The following TTC7B variants were observed in gnomAD, a reference collection of about 807,000 sequenced individuals.
The protein encoded by TTC7B is tetratricopeptide repeat domain 7B.
TTC7B carries 28 observed loss-of-function variants against 106.8 expected under a neutral mutation model. The observed-to-expected ratio is 0.26, with a 90% CI of 0.19 to 0.36. The LOEUF (loss-of-function observed/expected upper bound fraction) is 0.36. TTC7B is among the 10% of genes least tolerant of loss of function. The pLI is 1.00. For missense variants in TTC7B, 862 were observed against 1,076.4 expected (o/e 0.80, Z 2.79); for synonymous variants, 405 against 430.6 (o/e 0.94, Z 0.74).
chr14:90,710,629 C>G (rs1888408599), intron 5 of TTC7B, among the ~76,000 whole-genome samples: 1 of 152,118 alleles, frequency 6.6e-6, no homozygotes, highest in African/African-American at 2.4e-5. Context: ...CCACAGCCAC[C>G]CCAAACTTCA....
intron 3 of TTC7B, among the ~76,000 whole-genome samples, chr14:90,755,346 T>C (rs1487635614): frequency 6.6e-6 from 1 of 152,178 alleles, no homozygotes; most frequent in East Asian, 1.9e-4. Flanking sequence ...CTGGGTCAAA[T>C]ATTAAGAGTG....
intron 17 of TTC7B, among the ~76,000 whole-genome samples, chr14:90,595,637 C>T (rs535868739): frequency 6.6e-6 from 1 of 152,170 alleles, no homozygotes; most frequent in South Asian, 2.1e-4. Flanking sequence ...CTGTTGTTGC[C>T]CTATTCCGCC....
intron 19 of TTC7B, among the ~76,000 whole-genome samples, chr14:90,544,930 A>G (rs1889762074): frequency 6.6e-6 from 1 of 152,136 alleles, no homozygotes; most frequent in Admixed American, 6.5e-5. Flanking sequence ...TGGAGAATAT[A>G]ATTCAGGTCC....
intron 1 of TTC7B, among the ~76,000 whole-genome samples, chr14:90,801,793 C>T (rs1460399696): frequency 6.6e-6 from 1 of 152,014 alleles, no homozygotes; most frequent in Non-Finnish European, 1.5e-5. Context: ...CGGTGGCTCA[C>T]GCCTGTAATC....
At chr14:90,719,637 C>T (rs1888808947) in intron 5 of TTC7B, among the ~76,000 whole-genome samples, 1 of 152,162 alleles carries the variant, frequency 6.6e-6, no homozygotes, top group Non-Finnish European at 1.5e-5. Context: ...CAGAGCAGCT[C>T]CTGGGTGGCT....
intron 5 of TTC7B, among the ~76,000 whole-genome samples, chr14:90,727,194 A>G (rs1889138173): frequency 6.6e-6 from 1 of 152,166 alleles, no homozygotes; most frequent in Admixed American, 6.5e-5. Context: ...CCCAACCAAC[A>G]GAGGCTGGGA....
chr14:90,765,225 T>G (rs998265635), intron 3 of TTC7B, among the ~76,000 whole-genome samples: 3 of 152,228 alleles, frequency 2.0e-5, no homozygotes, highest in African/African-American at 7.2e-5. Context: ...GTGCATGATT[T>G]CATTTATACA....
chr14:90,799,119 C>G (rs192266726), intron 1 of TTC7B, among the ~76,000 whole-genome samples: 1 of 152,126 alleles, frequency 6.6e-6, no homozygotes, highest in Admixed American at 6.6e-5. Context: ...TCCAGCCTCA[C>G]GCACCCGTGC....
At chr14:90,672,708 CTTTT>C (rs962152890) in intron 9 of TTC7B, among the ~76,000 whole-genome samples, 32 of 152,146 alleles carry the variant, frequency 2.1e-4, no homozygotes, top group African/African-American at 7.2e-4. Context: ...ATTTGATTAT[CTTTT>C]TGTTTGTTTC....
At position 90,620,085 on chromosome 14, in the gene TTC7B, G is replaced by A. The variant is rs544208801; in HGVS notation, c.1752-2040C>T. Among the ~76,000 whole-genome samples, 3 of 152,160 alleles carry A rather than the reference G, an allele frequency of 2.0e-5. No individual in the cohort carries two copies. In the East Asian group the frequency reaches 5.8e-4, roughly 30 times the overall value. The stretch of plus-strand genomic sequence containing the variant: ...AGCGCCCCCAGCGACCCCTCCAAAT[G>A]GAACATAGGAAGTCCAGGGCGGTGC... On this transcript the variant is annotated intron_variant, in intron 15 of 19. Transcript: ENST00000328459.
chr14:90,624,086 G>A lies in TTC7B; in HGVS notation c.1752-6041C>T, dbSNP rs754439229. Among the ~76,000 whole-genome samples the A allele has an allele frequency of 5.3e-5, 8 of 152,164 alleles. No individual in the cohort carries two copies. Among genetic ancestry groups the A allele is most frequent in the Non-Finnish European group, 7.3e-5 (5 of 68,028 alleles). On this transcript the variant is annotated intron_variant, in intron 15 of 19. Transcript: ENST00000328459. The surrounding 1 kb of genome is among the most constrained non-coding windows in gnomAD (Gnocchi z 4.0). Reference sequence around the variant, plus strand: ...TGTGCCTGTATGCATATGCGTGTGCGTGTATATGTGTGCATGTGTGTGTGC... The same window carrying A: ...TGTGCCTGTATGCATATGCGTGTGCATGTATATGTGTGCATGTGTGTGTGC...
At chr14:90,639,161 T>C (rs1233388555) in intron 15 of TTC7B, among the ~76,000 whole-genome samples, 2 of 152,176 alleles carry the variant, frequency 1.3e-5, no homozygotes, top group Non-Finnish European at 2.9e-5. Context: ...TTTCTTCAAC[T>C]AGACATAGAA....
intron 7 of TTC7B, among the ~76,000 whole-genome samples, chr14:90,687,253 G>C (rs1341129774): frequency 6.6e-6 from 1 of 152,174 alleles, no homozygotes; most frequent in Non-Finnish European, 1.5e-5. Context: ...GTATCCATGT[G>C]AACTGAAACT....
chr14:90,527,549 G>T lies in TTC7B; in HGVS notation c.*13819C>A, dbSNP rs1438555907. 5.3e-5 allele frequency: 8 copies of T among 151,322 alleles called. No individual in the cohort carries two copies. The East Asian group carries it at 1.6e-3, about 30-fold the overall frequency. 9.4% of individuals were successfully genotyped at this position (151,322 alleles called of 1,614,324 possible). A position where few individuals can be genotyped will look rare whatever the true frequency, so the allele number is the denominator to read the frequency against. On this transcript the variant is annotated 3_prime_UTR_variant, in exon 20 of 20. Transcript: ENST00000328459. ...ACAAGGAAACTGAGATCCAGAGGGA[G>T]ATGTGACTCACTTTTTTTTTTTTTT...
chr14:90,655,546 T>C (rs1261214291), intron 11 of TTC7B, among the ~76,000 whole-genome samples: 1 of 152,248 alleles, frequency 6.6e-6, no homozygotes, highest in Non-Finnish European at 1.5e-5. Context: ...TAGGCTTGGA[T>C]TCTCTTTGCC....
chr14:90,750,537 G>T (rs531797061), intron 3 of TTC7B, among the ~76,000 whole-genome samples: 1 of 152,220 alleles, frequency 6.6e-6, no homozygotes, highest in East Asian at 1.9e-4. Flanking sequence ...ATCATCTAGG[G>T]CAGCAATCCA....
Position 90,657,382 on chromosome 14 carries a change from C to T in TTC7B, c.1237-104G>A, listed in dbSNP as rs1885994673. The T allele has an allele frequency of 9.5e-7, 1 of 1,050,160 alleles. No individual in the cohort carries two copies. The highest frequency in any genetic ancestry group is 2.6e-5 in the East Asian group (1 of 38,328). The allele number at this position is 1,050,160 out of a possible 1,614,324, so 65.1% of individuals were successfully genotyped here. A position where few individuals can be genotyped will look rare whatever the true frequency, so the allele number is the denominator to read the frequency against. On this transcript the variant is annotated intron_variant, in intron 10 of 19. Transcript: ENST00000328459. The surrounding 1 kb of genome is among the most constrained non-coding windows in gnomAD (Gnocchi z 4.2). ...TTGGTCAGGGTGACCTCCTCGTGGG[C>T]TTGTCCAACTTTAAGCCCAAGCAAG...
At chr14:90,700,970 A>C (rs1260050230) in intron 5 of TTC7B, among the ~76,000 whole-genome samples, 3 of 151,886 alleles carry the variant, frequency 2.0e-5, no homozygotes, top group Non-Finnish European at 4.4e-5. Context: ...TTTTCCCAGA[A>C]TGGAGTCCAG....
intron 8 of TTC7B, among the ~76,000 whole-genome samples, chr14:90,679,605 G>T (rs1227177599): frequency 7.9e-5 from 12 of 152,212 alleles, no homozygotes; most frequent in Non-Finnish European, 4.4e-5. Flanking sequence ...CTAGGCCTCA[G>T]GTTCCTCATG....
Sources: allele counts gnomAD v4.1 joint callset (sites outside exome capture counted in the v4.1 genomes callset), GRCh38; gene constraint gnomAD v4.1.1; non-coding constraint Gnocchi (gnomAD v3.1); transcripts MANE v1.5; gene names NCBI Gene and HGNC (gene_info 2026-07-23, HGNC 2026-07-21).